LACC1: variants seen among roughly 807,000 people sequenced by gnomAD.
LACC1 encodes the protein purine nucleoside phosphorylase LACC1.
A neutral mutation model predicts 34.8 loss-of-function variants in LACC1; 25 were observed. The observed-to-expected ratio is 0.72, with a 90% CI of 0.52 to 1.00. The LOEUF is 1.00. Among genes scored for constraint, LACC1 ranks in the 50% least tolerant of loss-of-function variants. The probability of loss-of-function intolerance (pLI) is 0.00; values close to 1 mark genes in which losing one functional copy is unlikely to be tolerated. For missense variants in LACC1, 426 were observed against 511.2 expected, an observed-to-expected ratio of 0.83 and a Z score of 1.61; for synonymous variants, 162 against 168.0, an observed-to-expected ratio of 0.96 and a Z score of 0.28.
At position 43,881,522 on chromosome 13, in the gene LACC1, T is replaced by A; in HGVS notation, c.537T>A (p.Thr179=). 1 of 1,605,548 alleles carries A rather than the reference T, an allele frequency of 6.2e-7. No individual in the cohort carries two copies. The highest frequency in any genetic ancestry group is 8.5e-7 in the Non-Finnish European group (1 of 1,177,142). ...TGCCAGCACTGAGAGGAAAATTAAC[T>A]ATTATCACTTCTTCTTTGATCCCAG... ...RSLPALRGKL[T]IITSSLIPDI... is the part of the protein sequence containing the mutation. Residue 179 remains threonine, a synonymous_variant, in exon 2 of 7, where the codon ACT becomes ACA. Coordinates refer to ENST00000325686, the MANE Select transcript of LACC1 (RefSeq NM_153218.4).
rs1262206606 is a variant in LACC1 at position 43,881,558 on chromosome 13, C to T, written c.562+11C>T. On this transcript the variant is annotated intron_variant, in intron 2 of 6. Transcript: ENST00000325686. ...CTTCTTTGATCCCAGGTATATTAAC[C>T]ACTAACTGTTGTTTTTACTTTGTAC... 1.3e-6 allele frequency: 2 copies of T among 1,555,806 alleles called. No homozygotes were observed. Among genetic ancestry groups the T allele is most frequent in the Admixed American group, 3.9e-5 (2 of 51,022 alleles).
At chr13:43,880,885 C>A in intron 1 of LACC1, 67 bp from the exon 2 acceptor site, 2 of 1,054,776 alleles carry the variant, frequency 1.9e-6, no homozygotes, top group South Asian at 1.8e-5. Context: ...TTTAATCTAC[C>A]ACAAATTTCT....
At chr13:43,887,508 G>C (rs914019308) in intron 4 of LACC1, among the ~76,000 whole-genome samples, 5 of 152,154 alleles carry the variant, frequency 3.3e-5, no homozygotes, top group African/African-American at 1.2e-4. Context: ...TTTTATCTTA[G>C]AACACTGTAA....
intron 6 of LACC1, among the ~76,000 whole-genome samples, chr13:43,891,155 A>G (rs1955555157): frequency 6.6e-6 from 1 of 152,210 alleles, no homozygotes; most frequent in African/African-American, 2.4e-5. Flanking sequence ...CTGACACATG[A>G]TCTAAAGTCA....
At chr13:43,891,140 G>A (rs1295174909) in intron 6 of LACC1, among the ~76,000 whole-genome samples, 1 of 152,164 alleles carries the variant, frequency 6.6e-6, no homozygotes, top group Non-Finnish European at 1.5e-5. Flanking sequence ...ATAGGCTATA[G>A]TACACTGACA....
intron 4 of LACC1, 132 bp from the exon 5 acceptor site, chr13:43,888,625 T>A: frequency 1.4e-6 from 1 of 696,650 alleles, no homozygotes. Context: ...AACCACATGA[T>A]AATGTAATTT....
Position 43,888,937 on chromosome 13 carries a change from T to A in LACC1, c.1088T>A (p.Leu363Gln), listed in dbSNP as rs1332035192. The A allele has an allele frequency of 1.9e-6, 3 of 1,613,786 alleles. No individual in the cohort carries two copies. In the African/African-American group the frequency reaches 4.0e-5, roughly 22 times the overall value. Residue 363 changes from leucine (L) to glutamine (Q), a missense_variant, in exon 5 of 7, where the codon CTA (leucine) becomes CAA (glutamine). Transcript: ENST00000325686. ...FHNLHPACVQ[L>Q]FDSPNPCIDI... ...AATCTTCATCCTGCATGTGTACAAC[T>A]ATTTGATTCACCAAATCCCTGTATC...
At chr13:43,884,061 G>C (rs943582616) in intron 4 of LACC1, 125 bp downstream of exon 4, 6 of 654,052 alleles carry the variant, frequency 9.2e-6, no homozygotes, top group Non-Finnish European at 1.5e-5. Context: ...GTAATGATGG[G>C]AGAGGCGGCA....
Position 43,891,430 on chromosome 13 carries a change from A to T in LACC1, c.*2-19A>T. The stretch of plus-strand genomic sequence containing the variant: ...AACACCAGTAAGCGTCTCATATTTG[A>T]TTTCTATGTATTTTACAGATACTTG... On this transcript the variant is annotated intron_variant, in intron 6 of 6. Transcript: ENST00000325686. The T allele has an allele frequency of 7.2e-6, 7 of 977,952 alleles. No homozygotes were observed. The highest frequency in any genetic ancestry group is 8.5e-6 in the Non-Finnish European group (7 of 823,096). 60.6% of individuals were successfully genotyped at this position (977,952 alleles called of 1,614,324 possible). A position where few individuals can be genotyped will look rare whatever the true frequency, so the allele number is the denominator to read the frequency against.
chr13:43,889,082 G>A, intron 5 of LACC1, 100 bp downstream of exon 5: 4 of 934,238 alleles, frequency 4.3e-6, no homozygotes, highest in Non-Finnish European at 6.7e-6. Context: ...AAGAATTTAG[G>A]TGGTGGTTAT....
At chr13:43,891,039 T>C (rs992309543) in intron 6 of LACC1, among the ~76,000 whole-genome samples, 2 of 152,194 alleles carry the variant, frequency 1.3e-5, no homozygotes, top group Non-Finnish European at 2.9e-5. Context: ...GTGGGAGGAC[T>C]GCTTTAGGCC....
At chr13:43,890,522 T>C (rs540672604) in intron 6 of LACC1, among the ~76,000 whole-genome samples, 2 of 152,308 alleles carry the variant, frequency 1.3e-5, no homozygotes, top group East Asian at 3.9e-4. Flanking sequence ...AGCCACTCCT[T>C]TTCCTAGTTA....
intron 5 of LACC1, among the ~76,000 whole-genome samples, chr13:43,889,660 G>A (rs763044551): frequency 6.6e-6 from 1 of 152,132 alleles, no homozygotes; most frequent in African/African-American, 2.4e-5. Context: ...TCACTAACTT[G>A]TAGTCATATT....
Position 43,880,994 on chromosome 13 carries a change from A to G in LACC1, c.9A>G (p.Glu3=), listed in dbSNP as rs749275021. ...AAAGTATTCTTTCAAGGATGGCAGA[A>G]GCTGTTTTGATTGATCTTTTTGGTT... MA[E]AVLIDLFGLK... Residue 3 remains glutamate (E), a synonymous_variant, in exon 2 of 7, where the codon GAA becomes GAG. Coordinates refer to ENST00000325686, the MANE Select transcript of LACC1 (RefSeq NM_153218.4). 1.1e-5 allele frequency: 17 copies of G among 1,611,520 alleles called. No individual in the cohort carries two copies. Among genetic ancestry groups the G allele is most frequent in the Admixed American group, 1.7e-5 (1 of 59,652 alleles).
chr13:43,885,181 C>G (rs531885224), intron 4 of LACC1, among the ~76,000 whole-genome samples: 1 of 152,094 alleles, frequency 6.6e-6, no homozygotes, highest in African/African-American at 2.4e-5. Context: ...GCCACACTGC[C>G]CAAAGCAATT....
Position 43,893,612 on chromosome 13 carries a change from T to C in LACC1, c.*2165T>C, listed in dbSNP as rs1435880895. ...TATGTTGTGAGGTTGTGATAACCGATTCTTGTTTAGTTTAATTCTATATCT... is the reference window on the plus strand; with the variant it reads ...TATGTTGTGAGGTTGTGATAACCGACTCTTGTTTAGTTTAATTCTATATCT... On this transcript the variant is annotated 3_prime_UTR_variant, in exon 7 of 7. Transcript: ENST00000325686. 1 of 152,016 alleles carries C rather than the reference T, an allele frequency of 6.6e-6. No homozygotes were observed. Among genetic ancestry groups the C allele is most frequent in the Non-Finnish European group, 1.5e-5 (1 of 67,866 alleles). 9.4% of individuals were successfully genotyped at this position (152,016 alleles called of 1,614,324 possible).
chr13:43,888,986 T>C lies in LACC1; in HGVS notation c.1133+4T>C. 1 of 1,601,668 alleles carries C rather than the reference T, an allele frequency of 6.2e-7. No individual in the cohort carries two copies. The highest frequency in any genetic ancestry group is 1.3e-5 in the African/African-American group (1 of 74,766). On this transcript the variant is annotated splice_donor_region_variant and intron_variant, in intron 5 of 6. Coordinates refer to ENST00000325686, the MANE Select transcript of LACC1 (RefSeq NM_153218.4). ...TCGACATCCGTAAAGCCACAAGGTA[T>C]GTCTGATTTCATTCAACTGCAAGTT...
At position 43,883,755 on chromosome 13, in the gene LACC1, A is replaced by C. The variant is rs1433101507; in HGVS notation, c.742-16A>C. On this transcript the variant is annotated splice_polypyrimidine_tract_variant and intron_variant, in intron 3 of 6. Transcript: ENST00000325686. ...ACTATTTCCAAAACATTTTTGTTGC[A>C]CATTTTTGGTATTAGACTCATCATT... The C allele has an allele frequency of 6.3e-7, 1 of 1,575,408 alleles. No homozygotes were observed. Among genetic ancestry groups the C allele is most frequent in the African/African-American group, 1.4e-5 (1 of 73,474 alleles).
At chr13:43,884,560 ACT>A (rs1375828033) in intron 4 of LACC1, among the ~76,000 whole-genome samples, 1 of 152,178 alleles carries the variant, frequency 6.6e-6, no homozygotes, top group Non-Finnish European at 1.5e-5. Flanking sequence ...AATGTATTTA[ACT>A]GTAACTATTC....
Sources: allele counts gnomAD v4.1 joint callset (sites outside exome capture counted in the v4.1 genomes callset), GRCh38; gene constraint gnomAD v4.1.1; transcripts MANE v1.5; gene names NCBI Gene and HGNC (gene_info 2026-07-23, HGNC 2026-07-21).